The following PTPRA variants were observed in gnomAD, a reference collection of about 807,000 sequenced individuals.
The protein encoded by PTPRA is receptor-type tyrosine-protein phosphatase alpha.
In PTPRA, 25 loss-of-function variants were observed where a neutral mutation model predicts 104.8. That is an observed-to-expected ratio of 0.24 (90% CI 0.17 to 0.33). The LOEUF (loss-of-function observed/expected upper bound fraction) is 0.33. Among genes scored for constraint, PTPRA ranks in the 10% least tolerant of loss-of-function variants. PTPRA has a pLI of 1.00. For synonymous variants in PTPRA, 323 were observed against 368.9 expected, an observed-to-expected ratio of 0.88 and a Z score of 1.43; for missense variants, 765 against 1,015.3, an observed-to-expected ratio of 0.75 and a Z score of 3.35.
In PTPRA at chr20:3,017,802, G is replaced by A. The variant is rs758243656; in HGVS notation, c.944-14G>A. 3 of 1,611,116 alleles carry A rather than the reference G, an allele frequency of 1.9e-6. No homozygotes were observed. The highest frequency in any genetic ancestry group is 1.7e-4 in the Middle Eastern group (1 of 6,050). ...GGTGTATATTCTCTTCATTTTTGCTGTTGGCTACTTTAGGACCAAAAGAAG... is the reference window on the plus strand; with the variant it reads ...GGTGTATATTCTCTTCATTTTTGCTATTGGCTACTTTAGGACCAAAAGAAG... On this transcript the variant is annotated splice_polypyrimidine_tract_variant and intron_variant, in intron 12 of 23. Coordinates refer to ENST00000399903, the MANE Select transcript of PTPRA (RefSeq NM_001385305.1).
intron 5 of PTPRA, among the ~76,000 whole-genome samples, chr20:2,970,507 C>T (rs1224166835): frequency 6.6e-6 from 1 of 152,120 alleles, no homozygotes; most frequent in Admixed American, 6.6e-5. Context: ...TTTTTCTGAG[C>T]ATTCTCTGTT....
chr20:2,876,798 C>G (rs543594222), intron 1 of PTPRA, among the ~76,000 whole-genome samples: 2 of 152,288 alleles, frequency 1.3e-5, no homozygotes, highest in East Asian at 1.9e-4. Flanking sequence ...ATCCTCTCCC[C>G]CAAAGTGTAT....
chr20:3,032,728 T>A (rs1468731538), intron 20 of PTPRA, among the ~76,000 whole-genome samples: 8 of 150,044 alleles, frequency 5.3e-5, no homozygotes, highest in Non-Finnish European at 1.0e-4. Context: ...ATCGCGCCAC[T>A]GCATTCCAGC....
chr20:2,892,009 GC>G (rs2058812714), intron 1 of PTPRA, among the ~76,000 whole-genome samples: 2 of 152,070 alleles, frequency 1.3e-5, no homozygotes, highest in African/African-American at 4.8e-5. Flanking sequence ...GGTCAACTGG[GC>G]CGGGCGCGGT....
At chr20:2,917,827 C>T (rs1231760030) in intron 1 of PTPRA, among the ~76,000 whole-genome samples, 1 of 151,644 alleles carries the variant, frequency 6.6e-6, no homozygotes, top group Non-Finnish European at 1.5e-5. Context: ...GACTTTAGGG[C>T]GCAGTGTAAT....
chr20:2,881,375 A>G (rs1181730613), intron 1 of PTPRA, among the ~76,000 whole-genome samples: 1 of 152,178 alleles, frequency 6.6e-6, no homozygotes, highest in African/African-American at 2.4e-5. Context: ...TGTCACCAGT[A>G]TGAAGACATT....
At chr20:2,907,729 T>G (rs1260104295) in intron 1 of PTPRA, among the ~76,000 whole-genome samples, 1 of 152,178 alleles carries the variant, frequency 6.6e-6, no homozygotes, top group Non-Finnish European at 1.5e-5. Context: ...CACTGACTCC[T>G]TGAATAAACA....
intron 1 of PTPRA, among the ~76,000 whole-genome samples, chr20:2,910,320 T>C (rs1189955945): frequency 1.5e-5 from 2 of 130,948 alleles, no homozygotes; most frequent in African/African-American, 2.8e-5. Flanking sequence ...TATTATAATA[T>C]ATATTTTATA....
At chr20:2,978,712 A>G (rs1231556042) in intron 6 of PTPRA, among the ~76,000 whole-genome samples, 1 of 152,206 alleles carries the variant, frequency 6.6e-6, no homozygotes, top group East Asian at 1.9e-4. Context: ...GTTGGGGTTG[A>G]AACAGTTTCG....
At chr20:2,885,053 G>A (rs2090303287) in intron 1 of PTPRA, among the ~76,000 whole-genome samples, 2 of 152,066 alleles carry the variant, frequency 1.3e-5, no homozygotes, top group Non-Finnish European at 1.5e-5. Flanking sequence ...CGCCCGCCTC[G>A]GCCTCCCAAA....
chr20:2,980,675 C>G lies in PTPRA; in HGVS notation c.442+5434C>G, dbSNP rs144678369. Reference sequence around the variant, plus strand: ...GACCAGCCTGGGCAACAACAAGACCCCCTCCCCCCATCTCTACAAAAAATT... The same window carrying G: ...GACCAGCCTGGGCAACAACAAGACCGCCTCCCCCCATCTCTACAAAAAATT... On this transcript the variant is annotated intron_variant, in intron 6 of 23. Coordinates refer to ENST00000399903, the MANE Select transcript of PTPRA (RefSeq NM_001385305.1). 5.0e-3 allele frequency among the ~76,000 whole-genome samples: 754 copies of G among 152,204 alleles called. 5 individuals are homozygous for G. Among genetic ancestry groups the G allele is most frequent in the Non-Finnish European group, 7.2e-3 (490 of 67,988 alleles).
chr20:2,934,667 AC>A (rs2060625183), intron 2 of PTPRA, among the ~76,000 whole-genome samples: 1 of 143,284 alleles, frequency 7.0e-6, no homozygotes, highest in African/African-American at 2.6e-5. Context: ...TTCAATTAGA[AC>A]CTTTTTTTTT....
intron 2 of PTPRA, among the ~76,000 whole-genome samples, chr20:2,936,623 G>C (rs1346596433): frequency 6.6e-6 from 1 of 150,950 alleles, no homozygotes; most frequent in Non-Finnish European, 1.5e-5. Context: ...ATCATGCCTG[G>C]CTAATTTTTG....
chr20:2,910,123 GT>G (rs2059616405), intron 1 of PTPRA, among the ~76,000 whole-genome samples: 1 of 114,506 alleles, frequency 8.7e-6, no homozygotes, highest in Admixed American at 1.1e-4. Flanking sequence ...ATGATGTATA[GT>G]ATATATGATA....
At chr20:2,973,497 C>T (rs980736421) in intron 5 of PTPRA, among the ~76,000 whole-genome samples, 7 of 152,166 alleles carry the variant, frequency 4.6e-5, no homozygotes, top group African/African-American at 1.7e-4. Flanking sequence ...GTCTTTCTCT[C>T]CCCAGTTACA....
chr20:2,965,082 A>G lies in PTPRA; in HGVS notation c.295A>G (p.Ile99Val), dbSNP rs768139445. The G allele has an allele frequency of 7.1e-5, 114 of 1,613,942 alleles. No homozygotes were observed. Among genetic ancestry groups the G allele is most frequent in the Non-Finnish European group, 9.2e-5 (109 of 1,179,914 alleles). ...AACAGCAAGCACCAATTCTATAGGC[A>G]TTACAATTTCACCAAATGGAACGTG... ...TRTASTNSIG[I>V]TISPNGTWLP... Residue 99 changes from isoleucine (I) to valine (V), a missense_variant, in exon 5 of 24, where the codon ATT becomes GTT. This residue lies in a region of PTPRA where 256 missense variants were observed against 248.9 expected (regional missense o/e 1.03). Coordinates refer to ENST00000399903, the MANE Select transcript of PTPRA (RefSeq NM_001385305.1).
At chr20:2,995,044 C>T (rs1466175022) in intron 9 of PTPRA, among the ~76,000 whole-genome samples, 2 of 152,078 alleles carry the variant, frequency 1.3e-5, no homozygotes, top group Non-Finnish European at 1.5e-5. Context: ...GCAGGAGAAT[C>T]GCTTGAACCC....
At chr20:2,955,435 C>T (rs752371275) in intron 3 of PTPRA, among the ~76,000 whole-genome samples, 1 of 152,168 alleles carries the variant, frequency 6.6e-6, no homozygotes, top group Non-Finnish European at 1.5e-5. Context: ...TATTTCACAG[C>T]CTTAGTAGTC....
intron 1 of PTPRA, among the ~76,000 whole-genome samples, chr20:2,902,067 T>C (rs1156754546): frequency 2.0e-5 from 3 of 152,112 alleles, no homozygotes; most frequent in Admixed American, 6.6e-5. Context: ...ATATTTTTAG[T>C]AGAGATGGGG....
Sources: gnomAD v4.1 joint callset for allele counts (sites outside exome capture counted in the v4.1 genomes callset) on GRCh38, gnomAD v4.1.1 for gene constraint, gnomAD v4.1.1 regional missense constraint, MANE v1.5 for transcripts, NCBI Gene and HGNC (gene_info 2026-07-23, HGNC 2026-07-21) for gene names.